ST6GALNAC3: variants seen among roughly 807,000 people sequenced by gnomAD.
The protein encoded by ST6GALNAC3 is alpha-N-acetylgalactosaminide alpha-2,6-sialyltransferase 3.
Under a neutral mutation model 32.7 loss-of-function variants are expected in ST6GALNAC3, and 25 were observed. The ratio of observed to expected loss-of-function variants is 0.76; its 90% CI spans 0.56 to 1.07. The LOEUF is 1.07. Ranked by LOEUF, ST6GALNAC3 falls within the 50% of genes least tolerant of loss-of-function variation. ST6GALNAC3 has a pLI of 0.00. For synonymous variants in ST6GALNAC3, 129 were observed against 133.1 expected (o/e 0.97, Z 0.21); for missense variants, 355 against 382.4 (o/e 0.93, Z 0.60).
Position 76,114,929 on chromosome 1 carries a change from A to G in ST6GALNAC3, c.18+40045A>G, listed in dbSNP as rs189722597. Among the ~76,000 whole-genome samples the G allele has an allele frequency of 6.1e-3, 920 of 151,894 alleles. 15 individuals are homozygous for G. Among genetic ancestry groups the G allele is most frequent in the African/African-American group, 0.021 (863 of 41,434 alleles). ...TGAGACCTTGTCTCAAAAAAAAAAA[A>G]AAAAAGAAAAAGAAAAAAAAGGTAG... On this transcript the variant is annotated intron_variant, in intron 1 of 4. Coordinates refer to ENST00000328299, the MANE Select transcript of ST6GALNAC3 (RefSeq NM_152996.4).
At chr1:76,293,092 T>C (rs1474351381) in intron 1 of ST6GALNAC3, among the ~76,000 whole-genome samples, 1 of 152,172 alleles carries the variant, frequency 6.6e-6, no homozygotes, top group Non-Finnish European at 1.5e-5. Flanking sequence ...AACCTCAGGT[T>C]TTTCTTAAGT....
intron 1 of ST6GALNAC3, among the ~76,000 whole-genome samples, chr1:76,255,018 A>ATC (rs898118832): frequency 2.5e-4 from 35 of 139,956 alleles, no homozygotes; most frequent in African/African-American, 5.4e-4. Flanking sequence ...GTTTCTGCAA[A>ATC]TCTCTCTCTC....
chr1:76,210,919 G>A (rs1655117512), intron 1 of ST6GALNAC3, among the ~76,000 whole-genome samples: 1 of 152,046 alleles, frequency 6.6e-6, no homozygotes, highest in South Asian at 2.1e-4. Flanking sequence ...GCTAATTTTT[G>A]TATTTTTAGT....
intron 3 of ST6GALNAC3, among the ~76,000 whole-genome samples, chr1:76,583,046 A>C (rs1408361517): frequency 6.6e-6 from 1 of 152,174 alleles, no homozygotes; most frequent in African/African-American, 2.4e-5. Flanking sequence ...CAAACTGTTA[A>C]TATATAATTT....
chr1:76,351,627 T>G (rs1234752859), intron 2 of ST6GALNAC3, among the ~76,000 whole-genome samples: 2 of 152,184 alleles, frequency 1.3e-5, no homozygotes, highest in Admixed American at 1.3e-4. Flanking sequence ...ACTTTAGAAT[T>G]AAAATATTGC....
At chr1:76,096,003 A>G (rs1253759731) in intron 1 of ST6GALNAC3, among the ~76,000 whole-genome samples, 1 of 152,162 alleles carries the variant, frequency 6.6e-6, no homozygotes, top group Non-Finnish European at 1.5e-5. Context: ...ACCTGTGGGG[A>G]TGGTGCCCTC....
At chr1:76,408,642 G>C (rs2101270814) in intron 2 of ST6GALNAC3, among the ~76,000 whole-genome samples, 1 of 152,098 alleles carries the variant, frequency 6.6e-6, no homozygotes, top group Non-Finnish European at 1.5e-5. Context: ...CAGTGTGCTG[G>C]TCTCACTTAA....
intron 2 of ST6GALNAC3, among the ~76,000 whole-genome samples, chr1:76,397,652 G>T (rs1274256852): frequency 6.6e-6 from 1 of 152,106 alleles, no homozygotes; most frequent in South Asian, 2.1e-4. Flanking sequence ...GGGATTACAG[G>T]CGTGAGCCAC....
intron 3 of ST6GALNAC3, among the ~76,000 whole-genome samples, chr1:76,608,525 A>G (rs943283303): frequency 3.3e-5 from 5 of 152,002 alleles, no homozygotes; most frequent in African/African-American, 7.2e-5. Flanking sequence ...GATACTTGAT[A>G]TAGGATCGTC....
chr1:76,452,964 A>G (rs1657514842), intron 3 of ST6GALNAC3, among the ~76,000 whole-genome samples: 1 of 152,098 alleles, frequency 6.6e-6, no homozygotes, highest in African/African-American at 2.4e-5. Context: ...GCTGCCTGTT[A>G]TTCGTTCATT....
intron 3 of ST6GALNAC3, among the ~76,000 whole-genome samples, chr1:76,523,923 C>G (rs767878817): frequency 9.9e-5 from 15 of 152,136 alleles, no homozygotes; most frequent in East Asian, 3.9e-4. Flanking sequence ...CTTTCCCAGT[C>G]TACCCATGTC....
At position 76,618,434 on chromosome 1, in the gene ST6GALNAC3, T is replaced by G. The variant is rs561405673; in HGVS notation, c.624-9018T>G. ...ATTAGTACTCCCCACAGGATGGGGT[T>G]GTTGTGAGGATTAAATGAGACAACA... On this transcript the variant is annotated intron_variant, in intron 3 of 4. Transcript: ENST00000328299. 2.0e-5 allele frequency among the ~76,000 whole-genome samples: 3 copies of G among 152,298 alleles called. No individual in the cohort carries two copies. The South Asian group carries it at 6.2e-4, about 32-fold the overall frequency.
At position 76,355,438 on chromosome 1, in the gene ST6GALNAC3, G is replaced by A. The variant is rs76549516; in HGVS notation, c.213+41439G>A. Reference sequence around the variant, plus strand: ...CATTGTGACTTCCCTTTGTGATAAAGAGGATAAATCTGCTGGCTCATTTCC... The same window carrying A: ...CATTGTGACTTCCCTTTGTGATAAAAAGGATAAATCTGCTGGCTCATTTCC... On this transcript the variant is annotated intron_variant, in intron 2 of 4. Coordinates refer to ENST00000328299, the MANE Select transcript of ST6GALNAC3 (RefSeq NM_152996.4). Among the ~76,000 whole-genome samples the A allele has an allele frequency of 8.3e-3, 1,260 of 152,146 alleles. 23 individuals are homozygous for A. The highest frequency in any genetic ancestry group is 0.029 in the African/African-American group (1,183 of 41,498).
chr1:76,118,679 A>G (rs1432092983), intron 1 of ST6GALNAC3, among the ~76,000 whole-genome samples: 1 of 152,240 alleles, frequency 6.6e-6, no homozygotes, highest in Non-Finnish European at 1.5e-5. Flanking sequence ...AGAGACTTTT[A>G]CAAACCCCCA....
intron 3 of ST6GALNAC3, among the ~76,000 whole-genome samples, chr1:76,621,531 A>G (rs1570469577): frequency 6.6e-6 from 1 of 152,064 alleles, no homozygotes; most frequent in Non-Finnish European, 1.5e-5. Flanking sequence ...TGTTAATACA[A>G]TGGGCAAACT....
rs1051657480 is a variant in ST6GALNAC3, at chr1:76,579,175, A to G, written c.624-48277A>G. ...CTAATTTGTTTTCTTTTTGCTTTTTATTGTGGAGAGGGGAGAAATCCAAAC... is the reference window on the plus strand; with the variant it reads ...CTAATTTGTTTTCTTTTTGCTTTTTGTTGTGGAGAGGGGAGAAATCCAAAC... On this transcript the variant is annotated intron_variant, in intron 3 of 4. Coordinates refer to ENST00000328299, the MANE Select transcript of ST6GALNAC3 (RefSeq NM_152996.4). 4.6e-5 allele frequency among the ~76,000 whole-genome samples: 7 copies of G among 151,978 alleles called. No individual in the cohort carries two copies. The East Asian group carries it at 1.4e-3, about 29-fold the overall frequency.
intron 1 of ST6GALNAC3, among the ~76,000 whole-genome samples, chr1:76,117,452 G>T (rs1648554693): frequency 6.6e-6 from 1 of 152,200 alleles, no homozygotes; most frequent in Non-Finnish European, 1.5e-5. Context: ...AGTCTTGCTA[G>T]TCCACTCAGG....
At chr1:76,127,939 A>C (rs1649360572) in intron 1 of ST6GALNAC3, among the ~76,000 whole-genome samples, 1 of 152,072 alleles carries the variant, frequency 6.6e-6, no homozygotes, top group South Asian at 2.1e-4. Context: ...ATCTTCTGCT[A>C]TTCTCCCTAT....
chr1:76,141,853 G>T (rs564937404), intron 1 of ST6GALNAC3, among the ~76,000 whole-genome samples: 1 of 152,272 alleles, frequency 6.6e-6, no homozygotes, highest in East Asian at 1.9e-4. Context: ...TTTCTACACT[G>T]CCCTAGAGTT....
Sources: gnomAD v4.1 joint callset for allele counts (sites outside exome capture counted in the v4.1 genomes callset) on GRCh38, gnomAD v4.1.1 for gene constraint, MANE v1.5 for transcripts, NCBI Gene and HGNC (gene_info 2026-07-23, HGNC 2026-07-21) for gene names.